CYP27B1: variants seen among roughly 807,000 people sequenced by gnomAD.
CYP27B1 encodes the protein 25-hydroxyvitamin D-1 alpha hydroxylase, mitochondrial.
In CYP27B1, 46 loss-of-function variants were observed where a neutral mutation model predicts 54.8. The observed-to-expected ratio is 0.84, with a 90% CI of 0.66 to 1.07. The LOEUF is 1.07. Among genes scored for constraint, CYP27B1 ranks in the 50% least tolerant of loss-of-function variants. The pLI is 0.00. For synonymous variants in CYP27B1, 292 were observed against 297.3 expected (o/e 0.98, Z 0.18); for missense variants, 674 against 692.2 (o/e 0.97, Z 0.30).
At position 57,763,564 on chromosome 12, in the gene CYP27B1, T is replaced by A. The variant is rs557461860; in HGVS notation, c.1413+47A>T. 50 of 1,520,906 alleles carry A rather than the reference T, an allele frequency of 3.3e-5. No homozygotes were observed. In the South Asian group the frequency reaches 4.9e-4, roughly 15 times the overall value. 94.2% of individuals were successfully genotyped at this position (1,520,906 alleles called of 1,614,324 possible). On this transcript the variant is annotated intron_variant, in intron 8 of 8. Coordinates refer to ENST00000228606, the MANE Select transcript of CYP27B1 (RefSeq NM_000785.4). ...GGAAAGAGCTCACAACTTTAGAGGG[T>A]TAGGGTCTCTCCAGTCTGGGGAAGG...
intron 6 of CYP27B1, 69 bp downstream of exon 6, chr12:57,764,309 C>A: frequency 1.3e-6 from 2 of 1,598,958 alleles, no homozygotes; most frequent in Non-Finnish European, 1.7e-6. Context: ...CTCCCTGCTT[C>A]CATCCACTAG....
chr12:57,763,402 G>A, intron 8 of CYP27B1, 147 bp from the exon 9 acceptor site: 1 of 851,406 alleles, frequency 1.2e-6, no homozygotes, highest in Admixed American at 2.0e-5. Context: ...GGACTTCTTG[G>A]TTAATAAGGG....
intron 7 of CYP27B1, 50 bp downstream of exon 7, chr12:57,764,048 C>T: frequency 1.4e-6 from 2 of 1,475,822 alleles, no homozygotes; most frequent in Non-Finnish European, 1.9e-6. Context: ...GGTTGGGGCC[C>T]AAGATAGTGA....
At chr12:57,764,315 A>G in intron 6 of CYP27B1, 63 bp downstream of exon 6, 1 of 1,602,736 alleles carries the variant, frequency 6.2e-7, no homozygotes, top group East Asian at 2.2e-5. Context: ...GCTTCCATCC[A>G]CTAGTTGCTT....
Position 57,767,012 on chromosome 12 carries a change from T to C in CYP27B1, c.30A>G (p.Arg10=), listed in dbSNP as rs777477723. The C allele has an allele frequency of 5.6e-6, 9 of 1,614,154 alleles. No homozygotes were observed. Among genetic ancestry groups the C allele is most frequent in the South Asian group, 2.2e-5 (2 of 91,090 alleles). MTQTLKYAS[R]VFHRVRWAPE... ...GCGCCCAGCGGACGCGATGGAACAC[T>C]CTGGAGGCGTACTTGAGGGTCTGGG... The change falls in exon 1 of 9, where the codon AGA becomes AGG. Residue 10 remains arginine, a synonymous_variant. Transcript: ENST00000228606.
Position 57,762,661 on chromosome 12 carries a change from C to G in CYP27B1, c.*481G>C, listed in dbSNP as rs1955328065. On this transcript the variant is annotated 3_prime_UTR_variant, in exon 9 of 9. Coordinates refer to ENST00000228606, the MANE Select transcript of CYP27B1 (RefSeq NM_000785.4). Reference sequence around the variant, plus strand: ...TGGTGACACCTAGTCAGAGACAGGCCCTGGCAGGGGACATAAAAAACAAAT... The same window carrying G: ...TGGTGACACCTAGTCAGAGACAGGCGCTGGCAGGGGACATAAAAAACAAAT... 8.6e-6 allele frequency: 2 copies of G among 232,402 alleles called. No individual in the cohort carries two copies. Among genetic ancestry groups the G allele is most frequent in the Admixed American group, 5.1e-5 (1 of 19,606 alleles). The allele number at this position is 232,402 out of a possible 1,614,324, so 14.4% of individuals were successfully genotyped here. A position where few individuals can be genotyped will look rare whatever the true frequency, so the allele number is the denominator to read the frequency against.
chr12:57,766,702 C>T (rs1472508859), intron 1 of CYP27B1, 145 bp downstream of exon 1: 2 of 913,624 alleles, frequency 2.2e-6, no homozygotes, highest in Admixed American at 4.6e-5. Flanking sequence ...CACACCGCCC[C>T]CAGCCTCAAC....
At position 57,764,737 on chromosome 12, in the gene CYP27B1, C is replaced by A; in HGVS notation, c.963+17G>T. On this transcript the variant is annotated intron_variant, in intron 5 of 8. Coordinates refer to ENST00000228606, the MANE Select transcript of CYP27B1 (RefSeq NM_000785.4). ...TAAGCCCTGGAACCGGCTCACAGCA[C>A]GGAGGGAGAACCTCACCGTGTCCAC... 6 of 1,613,980 alleles carry A rather than the reference C, an allele frequency of 3.7e-6. No homozygotes were observed. Among genetic ancestry groups the A allele is most frequent in the Non-Finnish European group, 5.1e-6 (6 of 1,179,970 alleles).
chr12:57,764,527 A>G lies in CYP27B1; in HGVS notation c.987T>C (p.Ala329=), dbSNP rs764387303. Residue 329 remains alanine, a synonymous_variant, in exon 6 of 9, where the codon GCT becomes GCC. Transcript: ENST00000228606. ...VDTVSNTLSW[A]LYELSRHPEV... ...CGGGGTGCCGGGAGAGCTCATACAG[A>G]GCCCAAGAGAGCGTGTTGGACACCT... 2.5e-6 allele frequency: 4 copies of G among 1,614,008 alleles called. No homozygotes were observed. The African/African-American group carries it at 5.3e-5, about 22-fold the overall frequency.
At chr12:57,764,264 T>C in intron 6 of CYP27B1, 88 bp from the exon 7 acceptor site, 1 of 1,566,044 alleles carries the variant, frequency 6.4e-7, no homozygotes, top group Non-Finnish European at 8.8e-7. Flanking sequence ...CAAACCCTTT[T>C]TGGCCAGGAG....
chr12:57,766,789 G>A, intron 1 of CYP27B1, 58 bp downstream of exon 1: 1 of 1,575,168 alleles, frequency 6.3e-7, no homozygotes, highest in Non-Finnish European at 8.7e-7. Flanking sequence ...AGTCCTTTCT[G>A]ACGCTGTCAA....
rs143165542 is a variant in CYP27B1, at chr12:57,765,355, C to A, written c.531G>T (p.Thr177=). The change falls in exon 3 of 9, where the codon ACG becomes ACT. Residue 177 remains threonine, a synonymous_variant. Transcript: ENST00000228606. This position sits in a 1 kb window ranked among gnomAD's most constrained non-coding sequence, Gnocchi z 5.8. ...CGTCCCGAACCAGGGCGGGCGGCCC[C>A]GTGCCACGTCCCCGCTGGCGCCTCA... The part of the protein sequence containing the change: ...RRLRRQRGRG[T]GPPALVRDVA... The A allele has an allele frequency of 2.5e-6, 4 of 1,613,322 alleles. No individual in the cohort carries two copies. In the African/African-American group the frequency reaches 5.3e-5, roughly 22 times the overall value.
In CYP27B1 at chr12:57,762,544, CA is replaced by C. The variant is rs1955327381; in HGVS notation, c.*597del. The C allele has an allele frequency of 3.0e-5, 5 of 164,672 alleles. No individual in the cohort carries two copies. Among genetic ancestry groups the C allele is most frequent in the Middle Eastern group, 3.2e-3 (1 of 312 alleles). 10.2% of individuals were successfully genotyped at this position (164,672 alleles called of 1,614,324 possible). On this transcript the variant is annotated 3_prime_UTR_variant, in exon 9 of 9. Transcript: ENST00000228606. ...TAGGGCAGATTCACCTTCCTAGGGG[CA>C]AGACAAAGAAGGAAGGGGGTAGACA...
rs1955355999 is a variant in CYP27B1, at chr12:57,765,892, T to C, written c.386+115A>G. 18 of 1,436,376 alleles carry C rather than the reference T, an allele frequency of 1.3e-5. No individual in the cohort carries two copies. The South Asian group carries it at 2.3e-4, about 19-fold the overall frequency. The allele number at this position is 1,436,376 out of a possible 1,614,324, so 89.0% of individuals were successfully genotyped here. Reference sequence around the variant, plus strand: ...GGGATGGGAACCCCAAGATGCCCAATGGTAGAGTGGGACAGCCGACCTCCC... The same window carrying C: ...GGGATGGGAACCCCAAGATGCCCAACGGTAGAGTGGGACAGCCGACCTCCC... On this transcript the variant is annotated intron_variant, in intron 2 of 8. Transcript: ENST00000228606. This position sits in a 1 kb window ranked among gnomAD's most constrained non-coding sequence, Gnocchi z 5.8.
At position 57,766,985 on chromosome 12, in the gene CYP27B1, G is replaced by C. The variant is rs964139740; in HGVS notation, c.57C>G (p.Pro19=). Residue 19 remains proline (P), a synonymous_variant, in exon 1 of 9, where the codon CCC becomes CCG. Transcript: ENST00000228606. The stretch of plus-strand genomic sequence containing the variant: ...GGTAGCCTAGGGAGGCGCCCAACTC[G>C]GGCGCCCAGCGGACGCGATGGAACA... The part of the protein sequence containing the change: ...SRVFHRVRWA[P]ELGASLGYRE... The C allele has an allele frequency of 3.1e-6, 5 of 1,614,198 alleles. No individual in the cohort carries two copies. The highest frequency in any genetic ancestry group is 1.1e-5 in the South Asian group (1 of 91,088).
In CYP27B1 at chr12:57,762,739, C is replaced by A. The variant is rs908120807; in HGVS notation, c.*403G>T. 3.9e-5 allele frequency: 12 copies of A among 310,984 alleles called. No homozygotes were observed. Among genetic ancestry groups the A allele is most frequent in the African/African-American group, 2.4e-4 (11 of 46,340 alleles). 19.3% of individuals were successfully genotyped at this position (310,984 alleles called of 1,614,324 possible). A position where few individuals can be genotyped will look rare whatever the true frequency, so the allele number is the denominator to read the frequency against. On this transcript the variant is annotated 3_prime_UTR_variant, in exon 9 of 9. Coordinates refer to ENST00000228606, the MANE Select transcript of CYP27B1 (RefSeq NM_000785.4). The stretch of plus-strand genomic sequence containing the variant: ...TTACATGCAAAGACGAAGGACCAAC[C>A]AGGTACAGACCAGATGCACAGTTAC...
intron 1 of CYP27B1, 84 bp downstream of exon 1, chr12:57,766,763 T>C: frequency 7.0e-7 from 1 of 1,427,354 alleles, no homozygotes; most frequent in Non-Finnish European, 9.9e-7. Flanking sequence ...TGTCCCACAT[T>C]TGCTCTGCAC....
chr12:57,763,515 A>G, intron 8 of CYP27B1, 96 bp downstream of exon 8: 2 of 1,129,686 alleles, frequency 1.8e-6, no homozygotes, highest in South Asian at 2.5e-5. Flanking sequence ...ACCAGGTCTT[A>G]TATGATTTCC....
chr12:57,764,356 TC>T (rs777427466), intron 6 of CYP27B1, 21 bp downstream of exon 6: 1 of 1,614,114 alleles, frequency 6.2e-7, no homozygotes, highest in Non-Finnish European at 8.5e-7. Context: ...TTCCTCTTGT[TC>T]CTCCTCTCCT....
Sources: gnomAD v4.1 joint callset for allele counts on GRCh38, gnomAD v4.1.1 for gene constraint, Gnocchi (gnomAD v3.1) non-coding constraint, MANE v1.5 for transcripts, NCBI Gene and HGNC (gene_info 2026-07-23, HGNC 2026-07-21) for gene names.